Variants in RXRG observed in about 807,000 individuals in gnomAD.
RXRG encodes retinoid X receptor gamma.
Under a neutral mutation model 49.2 loss-of-function variants are expected in RXRG, and 19 were observed. The ratio of observed to expected loss-of-function variants is 0.39; its 90% CI spans 0.27 to 0.57. The LOEUF (loss-of-function observed/expected upper bound fraction) is 0.57. Among genes scored for constraint, RXRG ranks in the 20% least tolerant of loss-of-function variants. The probability of loss-of-function intolerance (pLI) is 0.64; values close to 1 mark genes in which losing one functional copy is unlikely to be tolerated. For missense variants in RXRG, 452 were observed against 592.5 expected, an observed-to-expected ratio of 0.76 and a Z score of 2.46; for synonymous variants, 224 against 216.6, an observed-to-expected ratio of 1.03 and a Z score of -0.30.
chr1:165,410,733 G>A lies in RXRG; in HGVS notation c.882C>T (p.Thr294=). The A allele has an allele frequency of 6.2e-7, 1 of 1,614,092 alleles. No individual in the cohort carries two copies. The highest frequency in any genetic ancestry group is 8.5e-7 in the Non-Finnish European group (1 of 1,180,022). Residue 294 remains threonine (T), a synonymous_variant, in exon 6 of 10, where the codon ACC becomes ACT. Transcript: ENST00000359842. ...GAAGCAAAATGACCTGGTCCTCCAA[G>A]GTGAGGTCAGAGAAGTGGGGAATAC... is the stretch of plus-strand genomic sequence containing the variant. The part of the protein sequence containing the change: ...AKRIPHFSDL[T]LEDQVILLRA...
intron 7 of RXRG, 142 bp downstream of exon 7, chr1:165,409,416 G>A (rs1425706953): frequency 2.0e-6 from 2 of 1,002,748 alleles, no homozygotes; most frequent in Non-Finnish European, 2.6e-6. Context: ...CTAACTGTTT[G>A]GGCTGCCCAT....
intron 2 of RXRG, among the ~76,000 whole-genome samples, chr1:165,421,396 C>G (rs565573677): frequency 6.6e-6 from 1 of 152,162 alleles, no homozygotes; most frequent in East Asian, 1.9e-4. Flanking sequence ...GAACTTGTAA[C>G]CAGTATTTTG....
At chr1:165,407,121 A>C (rs1571264273) in intron 8 of RXRG, among the ~76,000 whole-genome samples, 1 of 151,974 alleles carries the variant, frequency 6.6e-6, no homozygotes, top group Non-Finnish European at 1.5e-5. Flanking sequence ...AAGATTTTAA[A>C]CTCCATGAAT....
chr1:165,406,190 A>G (rs1040548027), intron 9 of RXRG, among the ~76,000 whole-genome samples: 1 of 80,300 alleles, frequency 1.2e-5, no homozygotes, highest in African/African-American at 3.1e-5. Flanking sequence ...AGATGGCCTC[A>G]GAGATCTGCT....
chr1:165,424,060 G>A (rs749808390), intron 2 of RXRG, among the ~76,000 whole-genome samples: 3 of 152,276 alleles, frequency 2.0e-5, no homozygotes, highest in Non-Finnish European at 1.5e-5. Flanking sequence ...GGCCCATTCC[G>A]GAGTCCAGCC....
intron 4 of RXRG, among the ~76,000 whole-genome samples, chr1:165,413,400 T>C (rs1658015990): frequency 6.6e-6 from 1 of 152,196 alleles, no homozygotes; most frequent in Non-Finnish European, 1.5e-5. Flanking sequence ...TTTAGATAGA[T>C]TACATTTCAT....
chr1:165,443,778 C>G (rs1410719373), intron 1 of RXRG, among the ~76,000 whole-genome samples: 2 of 152,190 alleles, frequency 1.3e-5, no homozygotes, highest in Non-Finnish European at 2.9e-5. Flanking sequence ...GGGGGTTCTG[C>G]CCAGCCAAGT....
At chr1:165,416,854 C>T (rs897392406) in intron 4 of RXRG, among the ~76,000 whole-genome samples, 187 bp downstream of exon 4, 1 of 152,190 alleles carries the variant, frequency 6.6e-6, no homozygotes, top group Non-Finnish European at 1.5e-5. Context: ...AATTGCAATA[C>T]ACGAGTACCC....
intron 1 of RXRG, among the ~76,000 whole-genome samples, chr1:165,442,895 C>G (rs1659050119): frequency 6.6e-6 from 1 of 152,206 alleles, no homozygotes. Flanking sequence ...GAACCAAACT[C>G]AGCACACTAC....
intron 4 of RXRG, among the ~76,000 whole-genome samples, chr1:165,414,477 A>C (rs1365326209): frequency 6.6e-6 from 1 of 152,204 alleles, no homozygotes; most frequent in African/African-American, 2.4e-5. Flanking sequence ...GGATTAGAAT[A>C]ACTCTAGAGA....
intron 1 of RXRG, among the ~76,000 whole-genome samples, chr1:165,431,833 T>C (rs1658682286): frequency 6.6e-6 from 1 of 150,424 alleles, no homozygotes; most frequent in African/African-American, 2.4e-5. Flanking sequence ...TCAGCAAACT[T>C]AAAAAAAAAA....
intron 9 of RXRG, among the ~76,000 whole-genome samples, chr1:165,403,908 C>T (rs1028807759): frequency 2.6e-5 from 4 of 152,198 alleles, no homozygotes; most frequent in Non-Finnish European, 2.9e-5. Context: ...CAGCATTCCT[C>T]ACCCACAGGT....
At chr1:165,437,531 A>G (rs1658852327) in intron 1 of RXRG, among the ~76,000 whole-genome samples, 1 of 152,188 alleles carries the variant, frequency 6.6e-6, no homozygotes, top group South Asian at 2.1e-4. Flanking sequence ...TCTTTAGAAG[A>G]CAATCTATAG....
chr1:165,407,508 C>CT (rs1181209652), intron 8 of RXRG, among the ~76,000 whole-genome samples: 12 of 152,258 alleles, frequency 7.9e-5, no homozygotes, highest in East Asian at 1.9e-4. Flanking sequence ...CTGGCTCTCC[C>CT]TTTTTTACCT....
At chr1:165,436,154 T>C (rs186441987) in intron 1 of RXRG, among the ~76,000 whole-genome samples, 77 of 152,290 alleles carry the variant, frequency 5.1e-4, no homozygotes, top group Non-Finnish European at 9.9e-4. Context: ...GGCCTGCAGA[T>C]CATCGAGTTC....
intron 9 of RXRG, 76 bp from the exon 10 acceptor site, chr1:165,401,486 T>C: frequency 6.5e-7 from 1 of 1,547,158 alleles, no homozygotes; most frequent in Non-Finnish European, 8.8e-7. Context: ...CAGGAGGCCG[T>C]CCAATTGGCC....
At chr1:165,405,197 T>A (rs283699) in intron 9 of RXRG, among the ~76,000 whole-genome samples, 152,346 of 152,348 alleles carry the variant, frequency 1, 76,172 homozygotes, top group Non-Finnish European at 1. Context: ...TATGTACGAC[T>A]CTCATTATTT....
At chr1:165,432,577 C>CT (rs918902235) in intron 1 of RXRG, among the ~76,000 whole-genome samples, 2 of 152,008 alleles carry the variant, frequency 1.3e-5, no homozygotes, top group Admixed American at 6.6e-5. Context: ...TCTCTCACTC[C>CT]TTTTTTTTGT....
At position 165,410,703 on chromosome 1, in the gene RXRG, T is replaced by G; in HGVS notation, c.912A>C (p.Ala304=). The change falls in exon 6 of 10, where the codon GCA becomes GCC. Residue 304 remains alanine, a splice_region_variant and synonymous_variant. Coordinates refer to ENST00000359842, the MANE Select transcript of RXRG (RefSeq NM_006917.5). ...AAAAAGGCAGCCAATGTGCTTTACC[T>G]GCCCGAAGCAAAATGACCTGGTCCT... is the stretch of plus-strand genomic sequence containing the variant. The part of the protein sequence containing the change: ...TLEDQVILLR[A]GWNELLIASF... 6.2e-7 allele frequency: 1 copy of G among 1,613,908 alleles called. No individual in the cohort carries two copies. Among genetic ancestry groups the G allele is most frequent in the African/African-American group, 1.3e-5 (1 of 75,056 alleles).
Sources: gnomAD v4.1 joint callset for allele counts (sites outside exome capture counted in the v4.1 genomes callset) on GRCh38, gnomAD v4.1.1 for gene constraint, MANE v1.5 for transcripts, NCBI Gene and HGNC (gene_info 2026-07-23, HGNC 2026-07-21) for gene names.